Variants in IHO1 observed in about 807,000 individuals in gnomAD.
IHO1 encodes interactor of HORMAD1 1.
A neutral mutation model predicts 31.0 loss-of-function variants in IHO1; 13 were observed. The observed-to-expected ratio is 0.42, with a 90% CI of 0.27 to 0.67. The LOEUF (loss-of-function observed/expected upper bound fraction) is 0.67. Ranked by LOEUF, IHO1 falls within the 30% of genes least tolerant of loss-of-function variation. The pLI, the probability that IHO1 is intolerant of heterozygous loss-of-function variation, is 0.24. For synonymous variants in IHO1, 221 were observed against 248.4 expected (o/e 0.89, Z 1.04); for missense variants, 599 against 687.5 (o/e 0.87, Z 1.44).
At chr3:49,255,606 G>A in intron 7 of IHO1, 113 bp downstream of exon 7, 1 of 612,900 alleles carries the variant, frequency 1.6e-6, no homozygotes, top group Non-Finnish European at 2.6e-6. Flanking sequence ...TTGTCGTGCG[G>A]TGGTGCAATC....
In IHO1 at chr3:49,244,609, T is replaced by C. The variant is rs1165899710; in HGVS notation, c.445-37T>C. On this transcript the variant is annotated intron_variant, in intron 5 of 7. Transcript: ENST00000452691. ...TCTCTAAGATAGTAGAATAAGGCAA[T>C]AGCCTGTGAATTATTTCATAATTTT... is the stretch of plus-strand genomic sequence containing the variant. 3 of 1,569,636 alleles carry C rather than the reference T, an allele frequency of 1.9e-6. No individual in the cohort carries two copies. In the African/African-American group the frequency reaches 4.1e-5, roughly 21 times the overall value.
At chr3:49,202,761 C>T (rs1420879864) in intron 1 of IHO1, among the ~76,000 whole-genome samples, 3 of 151,868 alleles carry the variant, frequency 2.0e-5, no homozygotes, top group African/African-American at 7.3e-5. Flanking sequence ...CTGCAACCTC[C>T]GCCTCCTGGG....
At chr3:49,194,470 A>AT (rs57854509), upstream of IHO1, among the ~76,000 whole-genome samples, 3 of 145,330 alleles carry the variant, frequency 2.1e-5, no homozygotes, top group Admixed American at 6.8e-5. Context: ...CGCCTGGCTA[A>AT]TTTTTTTTAT....
At chr3:49,233,009 G>A (rs1165798570) in intron 2 of IHO1, among the ~76,000 whole-genome samples, 1 of 152,050 alleles carries the variant, frequency 6.6e-6, no homozygotes, top group African/African-American at 2.4e-5. Flanking sequence ...AACAGAATTG[G>A]ACCTGGTCAG....
At position 49,256,957 on chromosome 3, in the gene IHO1, G is replaced by A. The variant is rs757137712; in HGVS notation, c.1460G>A (p.Ser487Asn). 4 of 1,614,076 alleles carry A rather than the reference G, an allele frequency of 2.5e-6. No homozygotes were observed. In the African/African-American group the frequency reaches 5.3e-5, roughly 22 times the overall value. The change falls in exon 8 of 8, where the codon AGC becomes AAC. Residue 487 changes from serine (S) to asparagine (N), a missense_variant. Transcript: ENST00000452691. The surrounding 1 kb of genome is among the most constrained non-coding windows in gnomAD (Gnocchi z 4.6). ...CAGCCTGCAATTTCTGTCCCTCAAAGCCCCTTCCTGGGGCAGCAGGAACCC... is the reference window on the plus strand; with the variant it reads ...CAGCCTGCAATTTCTGTCCCTCAAAACCCCTTCCTGGGGCAGCAGGAACCC... The part of the protein sequence containing the change: ...SPQPAISVPQ[S>N]PFLGQQEPRA...
chr3:49,257,284 C>T lies in IHO1; in HGVS notation c.*2C>T, dbSNP rs966522620. On this transcript the variant is annotated 3_prime_UTR_variant, in exon 8 of 8. Coordinates refer to ENST00000452691, the MANE Select transcript of IHO1 (RefSeq NM_001135197.2). Reference sequence around the variant, plus strand: ...AGCAGTGATGATGATGGCTTCTGACCAGTCCACAGTTGATTTATTGGTCTC... The same window carrying T: ...AGCAGTGATGATGATGGCTTCTGACTAGTCCACAGTTGATTTATTGGTCTC... 6.2e-7 allele frequency: 1 copy of T among 1,609,338 alleles called. No individual in the cohort carries two copies.
intron 2 of IHO1, among the ~76,000 whole-genome samples, chr3:49,232,749 C>T (rs1483446097): frequency 1.3e-5 from 2 of 152,194 alleles, no homozygotes; most frequent in Non-Finnish European, 1.5e-5. Flanking sequence ...GAAAGCAGGA[C>T]AACCAGTCAC....
At chr3:49,215,669 A>T (rs2046278920) in intron 2 of IHO1, among the ~76,000 whole-genome samples, 1 of 152,212 alleles carries the variant, frequency 6.6e-6, no homozygotes, top group Non-Finnish European at 1.5e-5. Flanking sequence ...ATGGGAGCTT[A>T]GCCTCAAATC....
At chr3:49,253,828 CTTTTTTTTTTTTT>C in intron 6 of IHO1, among the ~76,000 whole-genome samples, 1 of 72,244 alleles carries the variant, frequency 1.4e-5, no homozygotes, top group East Asian at 4.7e-4. Context: ...CTTTATTTGT[CTTTTTTTTTTTTT>C]TTTTTTTTTT....
At chr3:49,249,853 AC>A (rs2046739766) in intron 6 of IHO1, among the ~76,000 whole-genome samples, 1 of 152,206 alleles carries the variant, frequency 6.6e-6, no homozygotes, top group Admixed American at 6.6e-5. Context: ...TCTCATCAGC[AC>A]CTGAGGGAGA....
intron 2 of IHO1, among the ~76,000 whole-genome samples, chr3:49,230,896 A>T (rs181597972): frequency 1.1e-4 from 16 of 152,314 alleles, no homozygotes; most frequent in Admixed American, 9.2e-4. Context: ...TCTTTAGAGG[A>T]GGTCCTAGTC....
At chr3:49,239,009 T>A (rs936975210) in intron 3 of IHO1, among the ~76,000 whole-genome samples, 1 of 152,144 alleles carries the variant, frequency 6.6e-6, no homozygotes, top group Admixed American at 6.5e-5. Context: ...AACTTGTTTT[T>A]CTCTTTACAT....
intron 2 of IHO1, among the ~76,000 whole-genome samples, chr3:49,221,326 T>C (rs1389929470): frequency 1.3e-5 from 2 of 151,824 alleles, no homozygotes; most frequent in Non-Finnish European, 2.9e-5. Flanking sequence ...GATTAGTGCG[T>C]TTACAATCCT....
intron 1 of IHO1, among the ~76,000 whole-genome samples, chr3:49,202,284 G>A (rs182665270): frequency 6.6e-6 from 1 of 151,800 alleles, no homozygotes; most frequent in Admixed American, 6.6e-5. Context: ...AAAAAGCAGG[G>A]GAGAGCCATA....
In IHO1 at chr3:49,257,593, C is replaced by G; in HGVS notation, c.*311C>G. 2 of 307,106 alleles carry G rather than the reference C, an allele frequency of 6.5e-6. No individual in the cohort carries two copies. Among genetic ancestry groups the G allele is most frequent in the Non-Finnish European group, 1.2e-5 (2 of 162,730 alleles). 19.0% of individuals were successfully genotyped at this position (307,106 alleles called of 1,614,324 possible). On this transcript the variant is annotated 3_prime_UTR_variant, in exon 8 of 8. Coordinates refer to ENST00000452691, the MANE Select transcript of IHO1 (RefSeq NM_001135197.2). The stretch of plus-strand genomic sequence containing the variant: ...TGTACTTTGGCGAAAGGCAGGCAGG[C>G]CTCCTTATGGAATACTGTGTAGCAG...
chr3:49,206,859 C>G (rs1417489362), intron 1 of IHO1, among the ~76,000 whole-genome samples: 1 of 151,796 alleles, frequency 6.6e-6, no homozygotes, highest in African/African-American at 2.4e-5. Flanking sequence ...ACCAGCCTGG[C>G]CAACATGGTG....
the IHO1 span, among the ~76,000 whole-genome samples, chr3:49,193,378 CAAAA>C: frequency 6.6e-6 from 1 of 151,154 alleles, no homozygotes; most frequent in Non-Finnish European, 1.5e-5. Flanking sequence ...ATCTCAAAAA[CAAAA>C]GAAAACAAAA....
intron 6 of IHO1, among the ~76,000 whole-genome samples, chr3:49,255,141 A>T (rs1389799150): frequency 6.6e-6 from 1 of 152,064 alleles, no homozygotes; most frequent in East Asian, 1.9e-4. Flanking sequence ...TGAGAGGGCC[A>T]AGAAGGAAGG....
At chr3:49,245,449 G>A (rs2046683161) in intron 6 of IHO1, 1 of 152,274 alleles carries the variant, frequency 6.6e-6, no homozygotes, top group Admixed American at 6.5e-5. Context: ...GCCTCCCAAA[G>A]TGCTGGGATT....
Sources: allele counts gnomAD v4.1 joint callset (sites outside exome capture counted in the v4.1 genomes callset), GRCh38; gene constraint gnomAD v4.1.1; non-coding constraint Gnocchi (gnomAD v3.1); transcripts MANE v1.5; gene names NCBI Gene and HGNC (gene_info 2026-07-23, HGNC 2026-07-21).